PSMD1: variants seen among roughly 807,000 people sequenced by gnomAD.
The protein encoded by PSMD1 is 26S proteasome non-ATPase regulatory subunit 1.
In PSMD1, 18 loss-of-function variants were observed where a neutral mutation model predicts 119.0. The ratio of observed to expected loss-of-function variants is 0.15; its 90% CI spans 0.10 to 0.22. PSMD1 has a LOEUF of 0.22. PSMD1 is among the 10% of genes least tolerant of loss of function. The probability of loss-of-function intolerance (pLI) is 1.00; values close to 1 mark genes in which losing one functional copy is unlikely to be tolerated. For synonymous variants in PSMD1, 374 were observed against 396.6 expected, an observed-to-expected ratio of 0.94 and a Z score of 0.68; for missense variants, 702 against 1,158.5, an observed-to-expected ratio of 0.61 and a Z score of 5.72.
chr2:231,130,653 T>G (rs1695833811), intron 16 of PSMD1, among the ~76,000 whole-genome samples: 1 of 152,140 alleles, frequency 6.6e-6, no homozygotes, highest in South Asian at 2.1e-4. Flanking sequence ...AGATGGGGTT[T>G]CGCGGGAATG....
intron 7 of PSMD1, 57 bp from the exon 8 acceptor site, chr2:231,075,454 T>C (rs373160814): frequency 8.7e-5 from 126 of 1,449,014 alleles, no homozygotes; most frequent in Non-Finnish European, 1.2e-4. Context: ...TTCAGATCTG[T>C]GGTATAAACA....
chr2:231,135,701 A>G lies in PSMD1; in HGVS notation c.1884-3035A>G, dbSNP rs545995977. On this transcript the variant is annotated intron_variant, in intron 16 of 24. Transcript: ENST00000308696. ...GTGATTTGTCTAATGTCACATAACT[A>G]ACAAATTTAGCAAAACTAGAACTAG... Among the ~76,000 whole-genome samples the G allele has an allele frequency of 1.3e-3, 204 of 152,316 alleles. 3 individuals carry two copies. The South Asian group carries it at 0.041, about 30-fold the overall frequency.
At chr2:231,146,204 T>C (rs1696247799) in intron 17 of PSMD1, 36 bp from the exon 18 acceptor site, 2 of 1,435,892 alleles carry the variant, frequency 1.4e-6, no homozygotes, top group Non-Finnish European at 2.0e-6. Context: ...ATATCAACTT[T>C]ATTTAAAAGT....
At chr2:231,084,906 C>T in intron 14 of PSMD1, 113 bp from the exon 15 acceptor site, 1 of 772,538 alleles carries the variant, frequency 1.3e-6, no homozygotes, top group Admixed American at 2.2e-5. Flanking sequence ...TTATTGAGCT[C>T]ATCATTTCCT....
At chr2:231,112,813 C>T (rs6437000) in intron 16 of PSMD1, among the ~76,000 whole-genome samples, 1 of 151,876 alleles carries the variant, frequency 6.6e-6, no homozygotes, top group African/African-American at 2.4e-5. Flanking sequence ...TTCTTTTATA[C>T]ATAATTTCTG....
intron 16 of PSMD1, among the ~76,000 whole-genome samples, chr2:231,106,162 TA>T (rs1343618914): frequency 6.6e-6 from 1 of 152,174 alleles, no homozygotes; most frequent in African/African-American, 2.4e-5. Context: ...CTCTTTAAAG[TA>T]TTCATAAAAT....
chr2:231,151,155 T>G (rs1036743169), intron 18 of PSMD1, among the ~76,000 whole-genome samples: 2 of 152,162 alleles, frequency 1.3e-5, no homozygotes, highest in African/African-American at 4.8e-5. Context: ...ATTTTTCTCC[T>G]GGAAATTCTA....
chr2:231,069,726 T>C (rs539083312), intron 5 of PSMD1, among the ~76,000 whole-genome samples: 50 of 152,330 alleles, frequency 3.3e-4, no homozygotes, highest in Non-Finnish European at 6.5e-4. Context: ...CAGTTGTATA[T>C]CTTTTATAAT....
intron 17 of PSMD1, among the ~76,000 whole-genome samples, chr2:231,144,558 C>T (rs1696210136): frequency 6.7e-6 from 1 of 150,188 alleles, no homozygotes; most frequent in South Asian, 2.1e-4. Context: ...GGATTACAGG[C>T]ATCTGCCACC....
chr2:231,152,408 T>C (rs2125259036), intron 18 of PSMD1, among the ~76,000 whole-genome samples: 1 of 152,342 alleles, frequency 6.6e-6, no homozygotes, highest in East Asian at 1.9e-4. Context: ...AACTATGAAA[T>C]GCCCTTTATA....
chr2:231,154,198 A>G (rs1299658833), intron 19 of PSMD1, among the ~76,000 whole-genome samples: 2 of 150,846 alleles, frequency 1.3e-5, no homozygotes. Context: ...TTGGGAGGCC[A>G]AGGCAGGTGG....
At chr2:231,086,052 C>T (rs748781567) in intron 15 of PSMD1, among the ~76,000 whole-genome samples, 1 of 148,470 alleles carries the variant, frequency 6.7e-6, no homozygotes, top group African/African-American at 2.5e-5. Context: ...TTTTTTTTAG[C>T]GACTTTGAGA....
chr2:231,160,574 A>G (rs1419949210), intron 19 of PSMD1, among the ~76,000 whole-genome samples: 4 of 152,244 alleles, frequency 2.6e-5, no homozygotes, highest in African/African-American at 7.2e-5. Context: ...TGAAGCGGAA[A>G]GAGTAAAACT....
At position 231,057,061 on chromosome 2, in the gene PSMD1, A is replaced by G; in HGVS notation, c.16+20A>G. 6.6e-7 allele frequency: 1 copy of G among 1,509,362 alleles called. No individual in the cohort carries two copies. 93.5% of individuals were successfully genotyped at this position (1,509,362 alleles called of 1,614,324 possible). On this transcript the variant is annotated intron_variant, in intron 1 of 24. Transcript: ENST00000308696. ...CGGCCGGTGAGTGCGGCCCGTAGCC[A>G]GCGCCTGGAGGGAGGAGCCGCCGCC...
At position 231,089,325 on chromosome 2, in the gene PSMD1, T is replaced by C. The variant is rs558013848; in HGVS notation, c.1883+2144T>C. Among the ~76,000 whole-genome samples, 31 of 152,318 alleles carry C rather than the reference T, an allele frequency of 2.0e-4. 2 individuals are homozygous for C. The South Asian group carries it at 6.0e-3, about 30-fold the overall frequency. ...TTTCCATGTAGACAGAATAGCCTTC[T>C]ATTTGAAGAAGATGCCATCTAGGAC... is the stretch of plus-strand genomic sequence containing the variant. On this transcript the variant is annotated intron_variant, in intron 16 of 24. Coordinates refer to ENST00000308696, the MANE Select transcript of PSMD1 (RefSeq NM_002807.4).
chr2:231,062,771 T>C, intron 4 of PSMD1, 96 bp downstream of exon 4: 1 of 1,084,502 alleles, frequency 9.2e-7, no homozygotes, highest in Non-Finnish European at 1.3e-6. Context: ...TGTTGCCAAA[T>C]TTCATTTTAA....
rs144261104 is a variant in PSMD1, at chr2:231,109,654, A to T, written c.1883+22473A>T. 8.8e-4 allele frequency among the ~76,000 whole-genome samples: 134 copies of T among 152,302 alleles called. 1 individual carries two copies. Among genetic ancestry groups the T allele is most frequent in the African/African-American group, 3.0e-3 (124 of 41,556 alleles). The stretch of plus-strand genomic sequence containing the variant: ...CAGATTTATAATGAAAGCTCCCCTA[A>T]AGCTATAGTATATCCATGATACAGT... On this transcript the variant is annotated intron_variant, in intron 16 of 24. Transcript: ENST00000308696.
rs955987795 is a variant in PSMD1, at chr2:231,057,765, A to G, written c.16+724A>G. Reference sequence around the variant, plus strand: ...CGCAAACCATTGCATAGGTAGATTCACGTAGTGACATTTGCAATGGAGTAA... The same window carrying G: ...CGCAAACCATTGCATAGGTAGATTCGCGTAGTGACATTTGCAATGGAGTAA... On this transcript the variant is annotated intron_variant, in intron 1 of 24. Transcript: ENST00000308696. 3.9e-5 allele frequency among the ~76,000 whole-genome samples: 6 copies of G among 152,376 alleles called. No homozygotes were observed. In the South Asian group the frequency reaches 6.2e-4, roughly 16 times the overall value.
chr2:231,089,620 TTTA>T (rs1417788741), intron 16 of PSMD1, among the ~76,000 whole-genome samples: 1 of 151,216 alleles, frequency 6.6e-6, no homozygotes, highest in Admixed American at 6.6e-5. Context: ...TATATGGGAG[TTTA>T]TTAAGTATTA....
Sources: allele counts gnomAD v4.1 joint callset (sites outside exome capture counted in the v4.1 genomes callset), GRCh38; gene constraint gnomAD v4.1.1; transcripts MANE v1.5; gene names NCBI Gene and HGNC (gene_info 2026-07-23, HGNC 2026-07-21).